Variants in ZNF407 observed in about 807,000 individuals in gnomAD.
ZNF407 encodes the protein zinc finger protein 407.
A neutral mutation model predicts 131.2 loss-of-function variants in ZNF407; 17 were observed. The observed-to-expected ratio is 0.13, with a 90% CI of 0.09 to 0.19. The LOEUF is 0.19. Ranked by LOEUF, ZNF407 falls within the 10% of genes least tolerant of loss-of-function variation. ZNF407 has a pLI of 1.00. For missense variants in ZNF407, 2,681 were observed against 2,830.6 expected (o/e 0.95, Z 1.20); for synonymous variants, 1,156 against 1,062.0 (o/e 1.09, Z -1.72).
At chr18:74,910,501 T>C (rs139338038) in intron 7 of ZNF407, among the ~76,000 whole-genome samples, 44 of 152,304 alleles carry the variant, frequency 2.9e-4, no homozygotes, top group African/African-American at 1.1e-3. Flanking sequence ...TAAGTATATA[T>C]GACTTAACAT....
chr18:74,725,159 A>T (rs898211505), intron 3 of ZNF407, among the ~76,000 whole-genome samples: 1 of 152,114 alleles, frequency 6.6e-6, no homozygotes, highest in South Asian at 2.1e-4. Context: ...CTTTTGAGAC[A>T]GAGTTTCACT....
chr18:74,642,429 A>C lies in ZNF407; in HGVS notation c.4802+1307A>C, dbSNP rs148537406. ...TAGGAAAGGAGAAGGCCCTGACTCC[A>C]GTGAAAATTTGCTATTAGGTGGCAG... is the stretch of plus-strand genomic sequence containing the variant. On this transcript the variant is annotated intron_variant, in intron 3 of 8. Coordinates refer to ENST00000299687, the MANE Select transcript of ZNF407 (RefSeq NM_017757.3). 1.1e-3 allele frequency among the ~76,000 whole-genome samples: 174 copies of C among 152,308 alleles called. No homozygotes were observed. In the Middle Eastern group the frequency reaches 0.031, roughly 27 times the overall value.
chr18:75,053,573 A>G (rs1327798954), intron 8 of ZNF407, among the ~76,000 whole-genome samples: 1 of 152,142 alleles, frequency 6.6e-6, no homozygotes, highest in Non-Finnish European at 1.5e-5. Flanking sequence ...TTATTATCCC[A>G]GGGGTATGTT....
chr18:74,978,134 G>A (rs188124554), intron 8 of ZNF407, among the ~76,000 whole-genome samples: 148 of 152,234 alleles, frequency 9.7e-4, no homozygotes, highest in African/African-American at 2.8e-3. Context: ...GGACCTTCAC[G>A]GATGCATGTA....
chr18:74,858,424 A>G (rs1183359162), intron 4 of ZNF407, among the ~76,000 whole-genome samples: 1 of 152,174 alleles, frequency 6.6e-6, no homozygotes, highest in Non-Finnish European at 1.5e-5. Flanking sequence ...GTACAGCCAA[A>G]TGGTAGCCAT....
At chr18:74,743,962 T>G (rs1392047350) in intron 3 of ZNF407, among the ~76,000 whole-genome samples, 1 of 152,148 alleles carries the variant, frequency 6.6e-6, no homozygotes, top group East Asian at 1.9e-4. Flanking sequence ...TAGAATAACA[T>G]AAATACTGTA....
intron 3 of ZNF407, among the ~76,000 whole-genome samples, chr18:74,706,239 ACT>A (rs1478953725): frequency 1.3e-5 from 2 of 152,182 alleles, no homozygotes; most frequent in African/African-American, 4.8e-5. Flanking sequence ...ATTCTAGTTC[ACT>A]GTCTTTTCTG....
chr18:74,969,594 C>G (rs979662262), intron 8 of ZNF407, among the ~76,000 whole-genome samples: 1 of 152,168 alleles, frequency 6.6e-6, no homozygotes. Context: ...GGCCAGGTCA[C>G]CAGGTGTCTG....
At chr18:74,766,109 T>C (rs1365653502) in intron 3 of ZNF407, among the ~76,000 whole-genome samples, 1 of 152,044 alleles carries the variant, frequency 6.6e-6, no homozygotes, top group East Asian at 1.9e-4. Flanking sequence ...TTAATATACT[T>C]GTTACAGAAA....
At chr18:74,606,185 A>G (rs1409740747) in intron 1 of ZNF407, among the ~76,000 whole-genome samples, 1 of 152,166 alleles carries the variant, frequency 6.6e-6, no homozygotes, top group Non-Finnish European at 1.5e-5. Context: ...TCATTTTTGT[A>G]TTTAATAGCT....
chr18:74,826,031 TAC>T (rs1488579240), intron 4 of ZNF407, among the ~76,000 whole-genome samples: 1 of 152,240 alleles, frequency 6.6e-6, no homozygotes, highest in Admixed American at 6.5e-5. Flanking sequence ...TTTATACACT[TAC>T]AGAGTCAGCT....
At chr18:74,887,836 T>C (rs1971331236) in intron 6 of ZNF407, among the ~76,000 whole-genome samples, 3 of 152,172 alleles carry the variant, frequency 2.0e-5, no homozygotes, top group Non-Finnish European at 4.4e-5. Flanking sequence ...AAGTGAAATA[T>C]GGCAAAACTG....
chr18:74,919,495 T>C (rs1211773795), intron 7 of ZNF407, among the ~76,000 whole-genome samples: 1 of 152,200 alleles, frequency 6.6e-6, no homozygotes, highest in African/African-American at 2.4e-5. Flanking sequence ...TCTTGCAGGA[T>C]TTTTGTTATT....
At chr18:75,002,117 G>A (rs1034865572) in intron 8 of ZNF407, among the ~76,000 whole-genome samples, 3 of 152,222 alleles carry the variant, frequency 2.0e-5, no homozygotes, top group Admixed American at 6.5e-5. Context: ...CGCAACTGCA[G>A]CCTTCAGCCT....
Position 74,633,705 on chromosome 18 carries a change from C to T in ZNF407, c.2686C>T (p.Arg896Cys), listed in dbSNP as rs1466497774. The T allele has an allele frequency of 2.5e-6, 4 of 1,613,706 alleles. No homozygotes were observed. Among genetic ancestry groups the T allele is most frequent in the Admixed American group, 1.7e-5 (1 of 60,006 alleles). The stretch of plus-strand genomic sequence containing the variant: ...CACTGTAACTAAGGGAGATATGGAA[C>T]GTCATTGTGCCACCAAGAAACATAA... Reference protein sequence around the residue: ...YYTVTKGDMERHCATKKHKGR... With the variant: ...YYTVTKGDMECHCATKKHKGR... The change falls in exon 2 of 9, where the codon CGT (arginine) becomes TGT (cysteine). Residue 896 changes from arginine (R) to cysteine (C), a missense_variant. This residue lies in a region of ZNF407 where 1,789 missense variants were observed against 1,748.7 expected (regional missense o/e 1.02). Transcript: ENST00000299687.
At chr18:74,797,861 T>A (rs1969949564) in intron 4 of ZNF407, among the ~76,000 whole-genome samples, 1 of 151,852 alleles carries the variant, frequency 6.6e-6, no homozygotes, top group Non-Finnish European at 1.5e-5. Context: ...CCATATTTCA[T>A]TAATTAAGGT....
intron 4 of ZNF407, among the ~76,000 whole-genome samples, chr18:74,827,500 C>G (rs1970425056): frequency 6.6e-6 from 1 of 151,534 alleles, no homozygotes; most frequent in South Asian, 2.1e-4. Flanking sequence ...CTCTATCATC[C>G]CAGATTTGGC....
rs574272979 is a variant in ZNF407 at position 74,886,429 on chromosome 18, A to G, written c.5129-3489A>G. ...CAGGATTTACCCAAGGGATGTTCAT[A>G]TAATGACTGCATATGAAGGCTCAGA... On this transcript the variant is annotated intron_variant, in intron 6 of 8. Transcript: ENST00000299687. Among the ~76,000 whole-genome samples the G allele has an allele frequency of 5.9e-5, 9 of 152,380 alleles. No individual in the cohort carries two copies. The East Asian group carries it at 1.7e-3, about 29-fold the overall frequency.
chr18:74,637,205 C>T (rs568868783), intron 2 of ZNF407, among the ~76,000 whole-genome samples: 1 of 152,340 alleles, frequency 6.6e-6, no homozygotes, highest in South Asian at 2.1e-4. Flanking sequence ...GTAGGCATTT[C>T]AGCACTTAAT....
Sources: gnomAD v4.1 joint callset for allele counts (sites outside exome capture counted in the v4.1 genomes callset) on GRCh38, gnomAD v4.1.1 for gene constraint, gnomAD v4.1.1 regional missense constraint, MANE v1.5 for transcripts, NCBI Gene and HGNC (gene_info 2026-07-23, HGNC 2026-07-21) for gene names.